The following ABTB3 variants were observed in gnomAD, a reference collection of about 807,000 sequenced individuals.
The protein encoded by ABTB3 is ankyrin repeat- and BTB/POZ domain-containing protein 3.
the ABTB3 span, among the ~76,000 whole-genome samples, chr12:107,432,683 C>T: frequency 6.6e-6 from 1 of 152,122 alleles, no homozygotes; most frequent in African/African-American, 2.4e-5. Flanking sequence ...CAGTGCAGGT[C>T]AAGAAGAACA....
chr12:107,655,271 A>ATATATG, the ABTB3 span, among the ~76,000 whole-genome samples: 7 of 151,956 alleles, frequency 4.6e-5, no homozygotes, highest in Non-Finnish European at 8.8e-5. Flanking sequence ...ATATATATAT[A>ATATATG]TATACACCTA....
At chr12:107,657,448 T>C in the ABTB3 span, 3 of 1,438,944 alleles carry the variant, frequency 2.1e-6, no homozygotes, top group Non-Finnish European at 2.9e-6. Flanking sequence ...TCTGAAGGCA[T>C]AATCTGAAAG....
At chr12:107,503,883 A>G in the ABTB3 span, among the ~76,000 whole-genome samples, 1 of 152,026 alleles carries the variant, frequency 6.6e-6, no homozygotes. Context: ...GGAAGGGGTG[A>G]TAATAAAAAG....
chr12:107,525,174 A>C, the ABTB3 span, among the ~76,000 whole-genome samples: 1 of 151,870 alleles, frequency 6.6e-6, no homozygotes, highest in Non-Finnish European at 1.5e-5. Context: ...AAAATGAAAC[A>C]AAATTAGCCA....
At chr12:107,477,171 C>T in the ABTB3 span, among the ~76,000 whole-genome samples, 1 of 152,272 alleles carries the variant, frequency 6.6e-6, no homozygotes, top group Non-Finnish European at 1.5e-5. Context: ...CATAAGGCCA[C>T]TTCCACCTCT....
chr12:107,382,599 T>C, the ABTB3 span, among the ~76,000 whole-genome samples: 1 of 152,210 alleles, frequency 6.6e-6, no homozygotes, highest in Non-Finnish European at 1.5e-5. Flanking sequence ...GATGAGTTCA[T>C]GTCCTTTGCA....
chr12:107,320,195 G>A, the ABTB3 span: 7 of 1,312,016 alleles, frequency 5.3e-6, no homozygotes, highest in Non-Finnish European at 5.9e-6. Context: ...AAGCCGCTGA[G>A]GAGGCGGCCG....
At chr12:107,414,774 G>A in the ABTB3 span, among the ~76,000 whole-genome samples, 6 of 148,440 alleles carry the variant, frequency 4.0e-5, no homozygotes, top group Non-Finnish European at 8.9e-5. Flanking sequence ...CTGGAGTGCA[G>A]TGGCGCAATC....
At chr12:107,535,621 A>G in the ABTB3 span, among the ~76,000 whole-genome samples, 9 of 152,320 alleles carry the variant, frequency 5.9e-5, no homozygotes, top group East Asian at 1.5e-3. Context: ...CTATATGCCA[A>G]TAACAAACTA....
chr12:107,569,321 G>T, the ABTB3 span, among the ~76,000 whole-genome samples: 1 of 152,150 alleles, frequency 6.6e-6, no homozygotes. Flanking sequence ...CACTTGCAGA[G>T]AATTTTTGTA....
the ABTB3 span, among the ~76,000 whole-genome samples, chr12:107,434,250 A>G: frequency 1.3e-5 from 2 of 152,144 alleles, no homozygotes; most frequent in Non-Finnish European, 2.9e-5. Context: ...CCATCAGTCT[A>G]TGGTTGGGAG....
At chr12:107,520,692 C>CCGA in the ABTB3 span, 1 of 1,596,746 alleles carries the variant, frequency 6.3e-7, no homozygotes, top group South Asian at 1.1e-5. Context: ...CTGTCTGTGC[C>CCGA]CGAAGTGACA....
chr12:107,578,542 G>A, the ABTB3 span, among the ~76,000 whole-genome samples: 1 of 151,958 alleles, frequency 6.6e-6, no homozygotes, highest in African/African-American at 2.4e-5. Flanking sequence ...TCAGGGTTGT[G>A]GACTGTGCTC....
At chr12:107,608,909 AAAT>A in the ABTB3 span, among the ~76,000 whole-genome samples, 19 of 90,254 alleles carry the variant, frequency 2.1e-4, no homozygotes, top group African/African-American at 1.1e-3. Context: ...AAATAAAATA[AAAT>A]AAAATAAAAT....
chr12:107,504,664 A>G, the ABTB3 span, among the ~76,000 whole-genome samples: 1 of 152,328 alleles, frequency 6.6e-6, no homozygotes, highest in South Asian at 2.1e-4. Flanking sequence ...AATATAAATG[A>G]TCCTGGTACT....
At chr12:107,622,233 G>A in the ABTB3 span, among the ~76,000 whole-genome samples, 5 of 152,242 alleles carry the variant, frequency 3.3e-5, no homozygotes, top group Non-Finnish European at 5.9e-5. Flanking sequence ...GGGTGGGAGC[G>A]GGTAGGTGGA....
the ABTB3 span, among the ~76,000 whole-genome samples, chr12:107,503,840 G>A: frequency 6.6e-6 from 1 of 151,940 alleles, no homozygotes; most frequent in Non-Finnish European, 1.5e-5. Context: ...GTGGAGAGGA[G>A]GGAAGAAAAT....
chr12:107,600,834 C>T, the ABTB3 span, among the ~76,000 whole-genome samples: 1 of 152,170 alleles, frequency 6.6e-6, no homozygotes, highest in East Asian at 1.9e-4. Context: ...GCAGAGCTCT[C>T]ACGAGGCCCT....
At chr12:107,604,212 G>A in the ABTB3 span, among the ~76,000 whole-genome samples, 2 of 152,046 alleles carry the variant, frequency 1.3e-5, no homozygotes, top group African/African-American at 2.4e-5. Context: ...ACTTTGGGAG[G>A]CCGAAGCAGG....
Sources: gnomAD v4.1 joint callset for allele counts (sites outside exome capture counted in the v4.1 genomes callset) on GRCh38, gnomAD v4.1.1 for gene constraint, MANE v1.5 for transcripts, NCBI Gene and HGNC (gene_info 2026-07-23, HGNC 2026-07-21) for gene names.